Variants in PROSER2 observed in about 807,000 individuals in gnomAD.
The protein encoded by PROSER2 is proline and serine-rich protein 2.
In PROSER2, 18 loss-of-function variants were observed where a neutral mutation model predicts 14.6. That is an observed-to-expected ratio of 1.23 (90% CI 0.85 to 1.83). The LOEUF (loss-of-function observed/expected upper bound fraction) is 1.83, where lower values mean the gene tolerates loss of function less well. PROSER2 is among the 40% of genes most tolerant of loss of function. The pLI is 0.00. For missense variants in PROSER2, 823 were observed against 629.8 expected, an observed-to-expected ratio of 1.31 and a Z score of -3.28; for synonymous variants, 367 against 286.4, an observed-to-expected ratio of 1.28 and a Z score of -2.84.
At chr10:11,826,364 C>T (rs887132734) in intron 1 of PROSER2, among the ~76,000 whole-genome samples, 3 of 152,124 alleles carry the variant, frequency 2.0e-5, no homozygotes, top group Non-Finnish European at 4.4e-5. Flanking sequence ...GTTTGAACAC[C>T]TGTTGTCAAT....
intron 2 of PROSER2, among the ~76,000 whole-genome samples, chr10:11,855,147 G>GT (rs913925186): frequency 0.02 from 2,872 of 142,414 alleles, 87 homozygotes; most frequent in African/African-American, 0.068. Flanking sequence ...GAGGTTTTTT[G>GT]TTTTTTTTTT....
In PROSER2 at chr10:11,870,237, G is replaced by A. The variant is rs1222313481; in HGVS notation, c.1139G>A (p.Arg380His). The A allele has an allele frequency of 6.7e-7, 1 of 1,489,076 alleles. No homozygotes were observed. Among genetic ancestry groups the A allele is most frequent in the East Asian group, 2.8e-5 (1 of 35,384 alleles). 92.2% of individuals were successfully genotyped at this position (1,489,076 alleles called of 1,614,324 possible). A position where few individuals can be genotyped will look rare whatever the true frequency, so the allele number is the denominator to read the frequency against. ...CCGGCCCTGCCCAGCACGCGGGCCC[G>A]TCAGAGCTTCCCCGGGCCCCGGCAG... ...PGPALPSTRA[R>H]QSFPGPRQPN... is the part of the protein sequence containing the mutation. The change falls in exon 4 of 4, where the codon CGT becomes CAT. Residue 380 changes from arginine to histidine, a missense_variant. Coordinates refer to ENST00000277570, the MANE Select transcript of PROSER2 (RefSeq NM_153256.4).
chr10:11,869,566 G>A lies in PROSER2; in HGVS notation c.468G>A (p.Glu156=). 6.2e-7 allele frequency: 1 copy of A among 1,612,504 alleles called. No individual in the cohort carries two copies. The highest frequency in any genetic ancestry group is 8.5e-7 in the Non-Finnish European group (1 of 1,178,818). ...TPPPPDPPAP[E]TLLAPPPLPS... ...CACCTCCAGACCCCCCGGCTCCCGA[G>A]ACCCTTCTTGCGCCACCACCCCTGC... Residue 156 remains glutamate (E), a synonymous_variant, in exon 4 of 4, where the codon GAG becomes GAA. Coordinates refer to ENST00000277570, the MANE Select transcript of PROSER2 (RefSeq NM_153256.4). This position sits in a 1 kb window ranked among gnomAD's most constrained non-coding sequence, Gnocchi z 4.4.
chr10:11,869,610 C>G lies in PROSER2; in HGVS notation c.512C>G (p.Pro171Arg), dbSNP rs971187713. Reference protein sequence around the residue: ...PPPLPSTPDPPRRELRAPSPP... With the variant: ...PPPLPSTPDPRRRELRAPSPP... ...CCCCTGCCTAGCACCCCCGATCCCCCCAGGAGGGAGCTGCGCGCCCCCTCC... is the reference window on the plus strand; with the variant it reads ...CCCCTGCCTAGCACCCCCGATCCCCGCAGGAGGGAGCTGCGCGCCCCCTCC... The change falls in exon 4 of 4, where the codon CCC becomes CGC. Residue 171 changes from proline (P) to arginine (R), a missense_variant. Pro to Arg is a moderately radical substitution (Grantham distance 103). Transcript: ENST00000277570. This position sits in a 1 kb window ranked among gnomAD's most constrained non-coding sequence, Gnocchi z 4.4. The G allele has an allele frequency of 1.2e-6, 2 of 1,605,766 alleles. No homozygotes were observed. Among genetic ancestry groups the G allele is most frequent in the Non-Finnish European group, 8.5e-7 (1 of 1,174,720 alleles).
intron 3 of PROSER2, among the ~76,000 whole-genome samples, chr10:11,868,145 TAG>T (rs1315258711): frequency 6.6e-6 from 1 of 152,230 alleles, no homozygotes; most frequent in African/African-American, 2.4e-5. Context: ...TGCTTTGAAA[TAG>T]AGTTCCAAAA....
rs1372074956 is a variant in PROSER2 at position 11,862,870 on chromosome 10, C to G, written c.139-3661C>G. 1 of 152,132 alleles carries G rather than the reference C, an allele frequency of 6.6e-6. No individual in the cohort carries two copies. The highest frequency in any genetic ancestry group is 1.5e-5 in the Non-Finnish European group (1 of 68,028). 9.4% of individuals were successfully genotyped at this position (152,132 alleles called of 1,614,324 possible). On this transcript the variant is annotated intron_variant, in intron 2 of 3. Transcript: ENST00000277570. The surrounding 1 kb of genome is among the most constrained non-coding windows in gnomAD (Gnocchi z 4.2). ...ATCATTAGTCTTCGTGGAAATGACA[C>G]TGAAAATCACAGTGAAATATGACTG...
At chr10:11,849,055 C>T (rs1039281089) in intron 1 of PROSER2, among the ~76,000 whole-genome samples, 8 of 152,050 alleles carry the variant, frequency 5.3e-5, no homozygotes, top group Non-Finnish European at 4.4e-5. Context: ...GGCGTGGTGG[C>T]GCATGCCTGT....
chr10:11,852,817 A>C (rs910581055), intron 2 of PROSER2, among the ~76,000 whole-genome samples: 1 of 148,800 alleles, frequency 6.7e-6, no homozygotes, highest in Non-Finnish European at 1.5e-5. Flanking sequence ...CCACCGCGCC[A>C]GGCCTCCCAA....
intron 2 of PROSER2, among the ~76,000 whole-genome samples, chr10:11,860,655 A>C (rs1834218554): frequency 1.3e-5 from 2 of 152,050 alleles, no homozygotes; most frequent in South Asian, 4.2e-4. Context: ...TTTTATACAA[A>C]TAATAAGAAG....
chr10:11,870,210 G>C lies in PROSER2; in HGVS notation c.1112G>C (p.Gly371Ala). 1 of 1,489,218 alleles carries C rather than the reference G, an allele frequency of 6.7e-7. No individual in the cohort carries two copies. The highest frequency in any genetic ancestry group is 8.9e-7 in the Non-Finnish European group (1 of 1,126,882). 92.3% of individuals were successfully genotyped at this position (1,489,218 alleles called of 1,614,324 possible). A position where few individuals can be genotyped will look rare whatever the true frequency, so the allele number is the denominator to read the frequency against. ...GGGAAGTCCCTCTGCTTCCGCCCTG[G>C]CCCGGCCCTGCCCAGCACGCGGGCC... ...PAGKSLCFRP[G>A]PALPSTRARQ... Residue 371 changes from glycine to alanine, a missense_variant, in exon 4 of 4, where the codon GGC becomes GCC. Coordinates refer to ENST00000277570, the MANE Select transcript of PROSER2 (RefSeq NM_153256.4).
intron 2 of PROSER2, chr10:11,863,042 G>A (rs1217381373): frequency 1.3e-5 from 2 of 152,172 alleles, no homozygotes; most frequent in South Asian, 4.1e-4. Flanking sequence ...ATATCCAACA[G>A]GTACGCATTG....
intron 1 of PROSER2, among the ~76,000 whole-genome samples, chr10:11,831,342 A>G (rs574440782): frequency 1.3e-5 from 2 of 152,352 alleles, no homozygotes; most frequent in South Asian, 4.1e-4. Flanking sequence ...GGTGCTCGGT[A>G]ATATTTGCTA....
intron 1 of PROSER2, among the ~76,000 whole-genome samples, chr10:11,829,521 A>G (rs1020139134): frequency 1.3e-5 from 2 of 151,906 alleles, no homozygotes; most frequent in African/African-American, 4.8e-5. Flanking sequence ...GGTTGAGGCT[A>G]CAGTGAGCTG....
rs1188273595 is a variant in PROSER2, at chr10:11,870,014, G to A, written c.916G>A (p.Ala306Thr). 5 of 1,243,908 alleles carry A rather than the reference G, an allele frequency of 4.0e-6. No homozygotes were observed. The highest frequency in any genetic ancestry group is 6.2e-5 in the South Asian group (2 of 32,200). 77.1% of individuals were successfully genotyped at this position (1,243,908 alleles called of 1,614,324 possible). A position where few individuals can be genotyped will look rare whatever the true frequency, so the allele number is the denominator to read the frequency against. The change falls in exon 4 of 4, where the codon GCC becomes ACC. Residue 306 changes from alanine (A) to threonine (T), a missense_variant. By Grantham distance (58) the Ala-to-Thr change is moderately conservative. Coordinates refer to ENST00000277570, the MANE Select transcript of PROSER2 (RefSeq NM_153256.4). ...FPAAGDAGEG[A>T]PGGGSSPERV... Reference sequence around the variant, plus strand: ...CGCCGCGGGGGACGCCGGCGAGGGGGCCCCAGGGGGCGGCTCCTCCCCGGA... The same window carrying A: ...CGCCGCGGGGGACGCCGGCGAGGGGACCCCAGGGGGCGGCTCCTCCCCGGA...
intron 2 of PROSER2, among the ~76,000 whole-genome samples, chr10:11,852,424 C>A (rs1036986350): frequency 1.2e-4 from 19 of 152,156 alleles, no homozygotes; most frequent in African/African-American, 4.6e-4. Context: ...TGGAGCAAAT[C>A]CCTCGCTGTG....
chr10:11,861,680 TA>T (rs1362805664), intron 2 of PROSER2, among the ~76,000 whole-genome samples: 2 of 152,164 alleles, frequency 1.3e-5, no homozygotes, highest in African/African-American at 2.4e-5. Flanking sequence ...CGTGCTTTTG[TA>T]AATACAGTTC....
Position 11,855,146 on chromosome 10 carries a change from TG to T in PROSER2, c.138+2932del, listed in dbSNP as rs373156308. Among the ~76,000 whole-genome samples the T allele has an allele frequency of 5.9e-3, 860 of 145,274 alleles. 24 individuals carry two copies. Among genetic ancestry groups the T allele is most frequent in the South Asian group, 0.02 (92 of 4,628 alleles). ...CTCGTTCTCATTTATAGAGGTTTTT[TG>T]TTTTTTTTTTTTTTTAAGCAAACGT... On this transcript the variant is annotated intron_variant, in intron 2 of 3. Transcript: ENST00000277570.
chr10:11,855,473 C>CAAAAAAAAAAA (rs71380787), intron 2 of PROSER2, among the ~76,000 whole-genome samples: 1 of 102,656 alleles, frequency 9.7e-6, no homozygotes, highest in Non-Finnish European at 2.0e-5. Context: ...GACTCCATCT[C>CAAAAAAAAAAA]AAAAAAAAAA....
chr10:11,852,177 A>C lies in PROSER2; in HGVS notation c.100A>C (p.Ser34Arg). 6.2e-7 allele frequency: 1 copy of C among 1,612,772 alleles called. No individual in the cohort carries two copies. Among genetic ancestry groups the C allele is most frequent in the Non-Finnish European group, 8.5e-7 (1 of 1,179,424 alleles). ...CTTCAGCAGAGGCGGCAGCCTGGAG[A>C]GTCGAAGCAGCAGCTCTCGCTCCAG... ...RAFSRGGSLE[S>R]RSSSSRSRSF... is the part of the protein sequence containing the mutation. The change falls in exon 2 of 4, where the codon AGT becomes CGT. Residue 34 changes from serine (S) to arginine (R), a missense_variant. Transcript: ENST00000277570.
Sources: gnomAD v4.1 joint callset for allele counts (sites outside exome capture counted in the v4.1 genomes callset) on GRCh38, gnomAD v4.1.1 for gene constraint, Gnocchi (gnomAD v3.1) non-coding constraint, MANE v1.5 for transcripts, NCBI Gene and HGNC (gene_info 2026-07-23, HGNC 2026-07-21) for gene names.